Variants in MYH9 observed in about 807,000 individuals in gnomAD.
MYH9 encodes myosin-9.
In MYH9, 29 loss-of-function variants were observed where a neutral mutation model predicts 241.9. That is an observed-to-expected ratio of 0.12 (90% confidence interval 0.09 to 0.16). The LOEUF (loss-of-function observed/expected upper bound fraction) is 0.16. MYH9 is among the 10% of genes least tolerant of loss of function. The probability of loss-of-function intolerance (pLI) is 1.00; values close to 1 mark genes in which losing one functional copy is unlikely to be tolerated. For missense variants in MYH9, 1,803 were observed against 2,595.5 expected (o/e 0.69, Z 6.63); for synonymous variants, 1,047 against 1,062.6 (o/e 0.99, Z 0.29).
intron 2 of MYH9, 66 bp downstream of exon 2, chr22:36,348,833 GAAGAC>G: frequency 8.9e-7 from 1 of 1,122,240 alleles, no homozygotes; most frequent in Non-Finnish European, 1.2e-6. Flanking sequence ...AGGGTGATGG[GAAGAC>G]CCGCCCCCCC....
intron 3 of MYH9, among the ~76,000 whole-genome samples, chr22:36,336,225 T>A (rs2017496272): frequency 1.3e-5 from 2 of 152,214 alleles, no homozygotes; most frequent in South Asian, 4.1e-4. Context: ...TAGAAGGGGC[T>A]TTTTCTACTC....
At chr22:36,286,011 T>G in intron 35 of MYH9, 58 bp from the exon 36 acceptor site, 1 of 1,589,218 alleles carries the variant, frequency 6.3e-7, no homozygotes, top group South Asian at 1.1e-5. Flanking sequence ...AAGACCATCC[T>G]TCCCAGCCCC....
In MYH9 at chr22:36,300,725, A is replaced by G. The variant is rs979068816; in HGVS notation, c.2838+126T>C. On this transcript the variant is annotated intron_variant, in intron 22 of 40. Transcript: ENST00000216181. The surrounding 1 kb of genome is among the most constrained non-coding windows in gnomAD (Gnocchi z 5.0). ...GGAACACCTCTCACTGAGAGCCCCA[A>G]GCAGATTGCGTGAGGAGCAGCCTCC... is the stretch of plus-strand genomic sequence containing the variant. 6 of 1,060,528 alleles carry G rather than the reference A, an allele frequency of 5.7e-6. No individual in the cohort carries two copies. Among genetic ancestry groups the G allele is most frequent in the Admixed American group, 1.9e-5 (1 of 51,756 alleles). The allele number at this position is 1,060,528 out of a possible 1,614,324, so 65.7% of individuals were successfully genotyped here. A position where few individuals can be genotyped will look rare whatever the true frequency, so the allele number is the denominator to read the frequency against.
intron 31 of MYH9, 32 bp downstream of exon 31, chr22:36,291,954 A>G: frequency 6.2e-7 from 1 of 1,613,820 alleles, no homozygotes; most frequent in Non-Finnish European, 8.5e-7. Context: ...GAAGGAGAGG[A>G]AATGCAAAGG....
rs1477610250 is a variant in MYH9, at chr22:36,320,948, C to T, written c.770-52G>A. 6.7e-7 allele frequency: 1 copy of T among 1,493,038 alleles called. No homozygotes were observed. The highest frequency in any genetic ancestry group is 1.8e-5 in the Admixed American group (1 of 56,690). 92.5% of individuals were successfully genotyped at this position (1,493,038 alleles called of 1,614,324 possible). ...AGCTGGGGAGAAGGCAAGCCCTCCA[C>T]TTTCCTCATTTTTTTTTTTTTGGAG... is the stretch of plus-strand genomic sequence containing the variant. On this transcript the variant is annotated intron_variant, in intron 7 of 40. Coordinates refer to ENST00000216181, the MANE Select transcript of MYH9 (RefSeq NM_002473.6). The surrounding 1 kb of genome is among the most constrained non-coding windows in gnomAD (Gnocchi z 4.8).
At position 36,306,638 on chromosome 22, in the gene MYH9, C is replaced by CCA; in HGVS notation, c.1844-33_1844-32dup. 4 of 1,602,580 alleles carry CCA rather than the reference C, an allele frequency of 2.5e-6. No individual in the cohort carries two copies. Among genetic ancestry groups the CCA allele is most frequent in the Non-Finnish European group, 3.4e-6 (4 of 1,176,358 alleles). ...GAGACCACAGAGAACACGTGAGTGCCCACACAGTTGCAGCTGGGTGGTGGG... is the reference window on the plus strand; with the variant it reads ...GAGACCACAGAGAACACGTGAGTGCCCACACACAGTTGCAGCTGGGTGGTGGG... On this transcript the variant is annotated intron_variant, in intron 15 of 40. Coordinates refer to ENST00000216181, the MANE Select transcript of MYH9 (RefSeq NM_002473.6). The surrounding 1 kb of genome is among the most constrained non-coding windows in gnomAD (Gnocchi z 4.1).
Position 36,318,191 on chromosome 22 carries a change from G to T in MYH9, c.1227+16C>A. 6.2e-7 allele frequency: 1 copy of T among 1,609,056 alleles called. No individual in the cohort carries two copies. Among genetic ancestry groups the T allele is most frequent in the Non-Finnish European group, 8.5e-7 (1 of 1,175,666 alleles). ...ACCCAGGAGGCAGCCAGCTGCCCTG[G>T]CCCCAGAGGACATACCTGCTCTTTA... On this transcript the variant is annotated intron_variant, in intron 11 of 40. Transcript: ENST00000216181.
rs1352346819 is a variant in MYH9, at chr22:36,306,167, AG to A, written c.2038-117del. On this transcript the variant is annotated intron_variant, in intron 16 of 40. Coordinates refer to ENST00000216181, the MANE Select transcript of MYH9 (RefSeq NM_002473.6). This position sits in a 1 kb window ranked among gnomAD's most constrained non-coding sequence, Gnocchi z 4.1. ...AGAGCCTAAGGGAGGGGGTCGCTAC[AG>A]CCCACAGGTTTGGACAATGAAGTCA... is the stretch of plus-strand genomic sequence containing the variant. 1 of 1,532,700 alleles carries A rather than the reference AG, an allele frequency of 6.5e-7. No homozygotes were observed. The highest frequency in any genetic ancestry group is 2.3e-5 in the East Asian group (1 of 44,242). The allele number at this position is 1,532,700 out of a possible 1,614,324, so 94.9% of individuals were successfully genotyped here.
chr22:36,376,983 A>C (rs2018177959), intron 1 of MYH9, among the ~76,000 whole-genome samples: 1 of 152,104 alleles, frequency 6.6e-6, no homozygotes, highest in Non-Finnish European at 1.5e-5. Context: ...GAATCGCTTG[A>C]ACCCGGGAGG....
rs192612971 is a variant in MYH9, at chr22:36,379,204, C to A, written c.-20+8603G>T. Among the ~76,000 whole-genome samples the A allele has an allele frequency of 9.8e-5, 15 of 152,296 alleles. No homozygotes were observed. The East Asian group carries it at 2.9e-3, about 29-fold the overall frequency. On this transcript the variant is annotated intron_variant, in intron 1 of 40. Coordinates refer to ENST00000216181, the MANE Select transcript of MYH9 (RefSeq NM_002473.6). Reference sequence around the variant, plus strand: ...AGAGATTAGCTTCGAGCTCCCCCAACACATTAAAAATTGTACAGAGAGGCC... The same window carrying A: ...AGAGATTAGCTTCGAGCTCCCCCAAAACATTAAAAATTGTACAGAGAGGCC...
At chr22:36,297,196 G>A (rs1241460379) in intron 24 of MYH9, 182 bp from the exon 25 acceptor site, 2 of 667,740 alleles carry the variant, frequency 3.0e-6, no homozygotes, top group Non-Finnish European at 5.2e-6. Context: ...CAAACTGCTA[G>A]CCCCTGGCAT....
intron 1 of MYH9, among the ~76,000 whole-genome samples, chr22:36,384,932 G>A (rs1486847919): frequency 6.6e-6 from 1 of 151,870 alleles, no homozygotes; most frequent in East Asian, 1.9e-4. Flanking sequence ...CCATTCTTTT[G>A]TCAGCAGAGG....
chr22:36,292,382 C>T, intron 30 of MYH9, 148 bp from the exon 31 acceptor site: 2 of 1,050,138 alleles, frequency 1.9e-6, no homozygotes, highest in Non-Finnish European at 2.9e-6. Context: ...CCCCCAGTCA[C>T]TTCCCTCTCC....
chr22:36,294,790 A>C, intron 27 of MYH9, 142 bp downstream of exon 27: 1 of 1,083,612 alleles, frequency 9.2e-7, no homozygotes. Context: ...ACGAGTCACA[A>C]AGCCCCTTAG....
Position 36,300,200 on chromosome 22 carries a change from G to C in MYH9, c.2903C>G (p.Thr968Ser). ...ARQKLQLEKV[T>S]TEAKLKKLEE... ...CAGCTTTTTCAGCTTCGCCTCGGTG[G>C]TCACCTTCTCCAGCTGCAGCTTCTG... The change falls in exon 23 of 41, where the codon ACC becomes AGC. Residue 968 changes from threonine (T) to serine (S), a missense_variant. Transcript: ENST00000216181. The surrounding 1 kb of genome is among the most constrained non-coding windows in gnomAD (Gnocchi z 5.0). The C allele has an allele frequency of 6.2e-7, 1 of 1,613,532 alleles. No individual in the cohort carries two copies. The highest frequency in any genetic ancestry group is 8.5e-7 in the Non-Finnish European group (1 of 1,180,000).
intron 11 of MYH9, among the ~76,000 whole-genome samples, chr22:36,317,391 AT>A (rs1470968888): frequency 6.6e-6 from 1 of 151,608 alleles, no homozygotes; most frequent in Non-Finnish European, 1.5e-5. Flanking sequence ...ATTTTTCTGT[AT>A]TAAGAGTCAT....
At position 36,294,185 on chromosome 22, in the gene MYH9, C is replaced by T. The variant is rs1211412402; in HGVS notation, c.3744G>A (p.Lys1248=). 2 of 1,613,958 alleles carry T rather than the reference C, an allele frequency of 1.2e-6. No individual in the cohort carries two copies. The highest frequency in any genetic ancestry group is 2.2e-5 in the South Asian group (2 of 91,090). ...GCTCCTGCAGCTGCGCCTCCACTTT[C>T]TTGCGCTTGTGCTCCGAGTCCCCTT... ...QGKGDSEHKR[K]KVEAQLQELQ... The change falls in exon 28 of 41, where the codon AAG becomes AAA. Residue 1248 remains lysine (K), a synonymous_variant. Transcript: ENST00000216181.
rs2016719167 is a variant in MYH9 at position 36,292,301 on chromosome 22, G to C, written c.4096-67C>G. 3.7e-6 allele frequency: 6 copies of C among 1,605,032 alleles called. No homozygotes were observed. In the South Asian group the frequency reaches 5.5e-5, roughly 15 times the overall value. On this transcript the variant is annotated intron_variant, in intron 30 of 40. Transcript: ENST00000216181. ...CTGCTCAGGTGGCACACCCGTCCCT[G>C]GGGCAGCTGGGAGCCTGCCTGCCAC...
At chr22:36,284,360 C>T (rs993357105) in intron 39 of MYH9, 43 bp downstream of exon 39, 4 of 1,607,544 alleles carry the variant, frequency 2.5e-6, no homozygotes, top group Non-Finnish European at 3.4e-6. Flanking sequence ...CCATCTGCTG[C>T]CCAGCCCCGC....
Sources: gnomAD v4.1 joint callset for allele counts (sites outside exome capture counted in the v4.1 genomes callset) on GRCh38, gnomAD v4.1.1 for gene constraint, Gnocchi (gnomAD v3.1) non-coding constraint, MANE v1.5 for transcripts, NCBI Gene and HGNC (gene_info 2026-07-23, HGNC 2026-07-21) for gene names.